The following DGLUCY variants were observed in gnomAD, a reference collection of about 807,000 sequenced individuals.
DGLUCY encodes the protein D-glutamate cyclase.
Under a neutral mutation model 58.5 loss-of-function variants are expected in DGLUCY, and 58 were observed. That is an observed-to-expected ratio of 0.99 (90% CI 0.80 to 1.23). The LOEUF (loss-of-function observed/expected upper bound fraction) is 1.23. Among genes scored for constraint, DGLUCY ranks in the 50% most tolerant of loss-of-function variants. The probability of loss-of-function intolerance (pLI) is 0.00; values close to 1 mark genes in which losing one functional copy is unlikely to be tolerated. For missense variants in DGLUCY, 779 were observed against 784.7 expected, an observed-to-expected ratio of 0.99 and a Z score of 0.09; for synonymous variants, 325 against 314.1, an observed-to-expected ratio of 1.03 and a Z score of -0.37.
chr14:91,145,497 C>T (rs2046962554), intron 1 of DGLUCY, among the ~76,000 whole-genome samples: 1 of 152,124 alleles, frequency 6.6e-6, no homozygotes, highest in Non-Finnish European at 1.5e-5. Flanking sequence ...GGGAGGGGTC[C>T]ACTTGTGAGT....
At chr14:91,123,864 C>T (rs965523857) in intron 1 of DGLUCY, among the ~76,000 whole-genome samples, 2 of 151,954 alleles carry the variant, frequency 1.3e-5, no homozygotes, top group Non-Finnish European at 1.5e-5. Context: ...ACGCATGAGC[C>T]ACTGCATCCA....
chr14:91,180,123 C>T (rs1170801019), intron 7 of DGLUCY, among the ~76,000 whole-genome samples: 1 of 151,422 alleles, frequency 6.6e-6, no homozygotes, highest in Non-Finnish European at 1.5e-5. Context: ...CTCCTGACCT[C>T]AGGTGATCCA....
intron 12 of DGLUCY, 147 bp downstream of exon 12, chr14:91,204,972 C>A: frequency 1.9e-6 from 2 of 1,056,830 alleles, no homozygotes; most frequent in Non-Finnish European, 2.7e-6. Context: ...CAGCCTATGA[C>A]CTTTCATTCA....
At chr14:91,138,346 C>T (rs778794809) in intron 1 of DGLUCY, among the ~76,000 whole-genome samples, 5 of 152,086 alleles carry the variant, frequency 3.3e-5, no homozygotes, top group Non-Finnish European at 5.9e-5. Flanking sequence ...ACAAAATTAG[C>T]CGGGTGTGGT....
At chr14:91,096,692 T>C (rs1331537334) in intron 1 of DGLUCY, among the ~76,000 whole-genome samples, 2 of 151,752 alleles carry the variant, frequency 1.3e-5, no homozygotes, top group African/African-American at 2.4e-5. Flanking sequence ...CCCACCCCCC[T>C]GGCTTGTTCC....
In DGLUCY at chr14:91,170,017, A is replaced by T. The variant is rs1352877301; in HGVS notation, c.272A>T (p.Gln91Leu). The change falls in exon 5 of 14, where the codon CAG becomes CTG. Residue 91 changes from glutamine to leucine, a missense_variant. Gln to Leu is a moderately radical substitution (Grantham distance 113, BLOSUM62 -2). Transcript: ENST00000256324. Reference sequence around the variant, plus strand: ...TATGTCCCCAGGATGGGCCATCCCCAGTTCTGGAAATACGAGTTCGGTGCC... The same window carrying T: ...TATGTCCCCAGGATGGGCCATCCCCTGTTCTGGAAATACGAGTTCGGTGCC... The part of the protein sequence containing the change: ...AISETRMGHP[Q>L]FWKYEFGACT... 1 of 1,612,144 alleles carries T rather than the reference A, an allele frequency of 6.2e-7. No individual in the cohort carries two copies. Among genetic ancestry groups the T allele is most frequent in the South Asian group, 1.1e-5 (1 of 90,994 alleles).
At chr14:91,142,803 A>AAC (rs869132754) in intron 1 of DGLUCY, among the ~76,000 whole-genome samples, 1 of 31,320 alleles carries the variant, frequency 3.2e-5, no homozygotes, top group South Asian at 1.6e-3. Flanking sequence ...ATCTCTACTA[A>AAC]ACACACACAC....
At chr14:91,209,567 G>A (rs1463502049) in intron 12 of DGLUCY, among the ~76,000 whole-genome samples, 1 of 152,116 alleles carries the variant, frequency 6.6e-6, no homozygotes, top group Non-Finnish European at 1.5e-5. Context: ...AATTAGCTGG[G>A]CGTGGTGGCG....
intron 1 of DGLUCY, among the ~76,000 whole-genome samples, chr14:91,083,272 A>G (rs1174897628): frequency 1.3e-5 from 2 of 152,228 alleles, no homozygotes. Flanking sequence ...CTGTAATCCC[A>G]GCACTTTGGG....
intron 1 of DGLUCY, chr14:91,128,802 G>A (rs967868324): frequency 9.9e-5 from 15 of 152,160 alleles, no homozygotes; most frequent in African/African-American, 3.6e-4. Context: ...GCTCTGAATG[G>A]ACTCGCTTGG....
At chr14:91,206,417 C>G (rs1884715088) in intron 12 of DGLUCY, among the ~76,000 whole-genome samples, 1 of 151,846 alleles carries the variant, frequency 6.6e-6, no homozygotes, top group African/African-American at 2.4e-5. Context: ...GAGTCTCACT[C>G]TATCACCCAG....
intron 1 of DGLUCY, among the ~76,000 whole-genome samples, chr14:91,088,030 G>A (rs1304101664): frequency 1.3e-5 from 2 of 152,108 alleles, no homozygotes; most frequent in East Asian, 3.9e-4. Flanking sequence ...AAAGCAGAGG[G>A]GAGTCTCCAA....
chr14:91,208,923 T>C (rs10135502), intron 12 of DGLUCY, among the ~76,000 whole-genome samples: 81,391 of 152,048 alleles, frequency 0.54, 23,732 homozygotes, highest in African/African-American at 0.78. Flanking sequence ...CACTAAAAAA[T>C]TAATTTTAAA....
intron 1 of DGLUCY, among the ~76,000 whole-genome samples, chr14:91,095,926 G>A (rs1321198689): frequency 1.3e-5 from 2 of 152,112 alleles, no homozygotes; most frequent in Non-Finnish European, 2.9e-5. Flanking sequence ...GCTTTCCAAG[G>A]TAAAGTCTTG....
At chr14:91,070,239 T>C (rs1381707653) in intron 1 of DGLUCY, among the ~76,000 whole-genome samples, 3 of 152,116 alleles carry the variant, frequency 2.0e-5, no homozygotes, top group Admixed American at 2.0e-4. Context: ...CAAAAGAGTC[T>C]CTTGGAGATG....
chr14:91,138,395 G>A (rs1332086930), intron 1 of DGLUCY, among the ~76,000 whole-genome samples: 2 of 152,208 alleles, frequency 1.3e-5, no homozygotes, highest in Admixed American at 6.5e-5. Flanking sequence ...GGAAGCTGAA[G>A]CAGGAGAATC....
chr14:91,217,779 C>T (rs150124812), intron 13 of DGLUCY, among the ~76,000 whole-genome samples: 113 of 152,230 alleles, frequency 7.4e-4, no homozygotes, highest in African/African-American at 2.6e-3. Flanking sequence ...TGAGCCACCA[C>T]GCCCGGCCTC....
intron 1 of DGLUCY, among the ~76,000 whole-genome samples, chr14:91,120,712 T>C (rs2045305508): frequency 6.6e-6 from 1 of 152,160 alleles, no homozygotes; most frequent in African/African-American, 2.4e-5. Context: ...CACCTGGCCC[T>C]GATAATTATT....
At chr14:91,087,779 C>T (rs2044247134) in intron 1 of DGLUCY, among the ~76,000 whole-genome samples, 1 of 152,206 alleles carries the variant, frequency 6.6e-6, no homozygotes, top group Non-Finnish European at 1.5e-5. Flanking sequence ...GACCCTGTCT[C>T]CTTTGTTCAG....
Sources: gnomAD v4.1 joint callset for allele counts (sites outside exome capture counted in the v4.1 genomes callset) on GRCh38, gnomAD v4.1.1 for gene constraint, MANE v1.5 for transcripts, NCBI Gene and HGNC (gene_info 2026-07-23, HGNC 2026-07-21) for gene names.